Variants in TBC1D14 observed in about 807,000 individuals in gnomAD.
The protein encoded by TBC1D14 is TBC1 domain family, member 14.
TBC1D14 carries 26 observed loss-of-function variants against 79.0 expected under a neutral mutation model. The observed-to-expected ratio is 0.33, with a 90% CI of 0.24 to 0.46. TBC1D14 has a LOEUF of 0.46. Ranked by LOEUF, TBC1D14 falls within the 20% of genes least tolerant of loss-of-function variation. The pLI is 1.00. For missense variants in TBC1D14, 769 were observed against 887.6 expected, an observed-to-expected ratio of 0.87 and a Z score of 1.70; for synonymous variants, 394 against 349.9, an observed-to-expected ratio of 1.13 and a Z score of -1.40.
intron 2 of TBC1D14, among the ~76,000 whole-genome samples, chr4:6,960,229 A>G (rs1560284063): frequency 6.6e-6 from 1 of 151,024 alleles, no homozygotes; most frequent in Non-Finnish European, 1.5e-5. Flanking sequence ...CTACAGATGC[A>G]CATCACCATG....
intron 2 of TBC1D14, among the ~76,000 whole-genome samples, chr4:6,948,845 G>T (rs564851598): frequency 6.6e-6 from 1 of 151,500 alleles, no homozygotes; most frequent in Non-Finnish European, 1.5e-5. Flanking sequence ...GATTACAGGC[G>T]TGAGCCACCA....
intron 2 of TBC1D14, among the ~76,000 whole-genome samples, chr4:6,956,309 C>A (rs1306718052): frequency 6.6e-6 from 1 of 152,110 alleles, no homozygotes; most frequent in African/African-American, 2.4e-5. Flanking sequence ...GACAGACCAC[C>A]CCTGGCCAGA....
At chr4:7,005,643 G>C (rs903294911) in intron 8 of TBC1D14, among the ~76,000 whole-genome samples, 1 of 151,956 alleles carries the variant, frequency 6.6e-6, no homozygotes, top group Non-Finnish European at 1.5e-5. Flanking sequence ...AGGTTGCAGT[G>C]AGCCAAGATC....
chr4:6,993,792 C>T (rs1718740463), intron 3 of TBC1D14, among the ~76,000 whole-genome samples: 1 of 152,152 alleles, frequency 6.6e-6, no homozygotes, highest in African/African-American at 2.4e-5. Context: ...GGTGGATCAC[C>T]TGAGGTCAGG....
At position 6,940,502 on chromosome 4, in the gene TBC1D14, C is replaced by T. The variant is rs181677751; in HGVS notation, c.722+16391C>T. 2.2e-3 allele frequency among the ~76,000 whole-genome samples: 342 copies of T among 152,048 alleles called. 1 individual carries two copies. The highest frequency in any genetic ancestry group is 3.7e-3 in the Non-Finnish European group (253 of 67,974). On this transcript the variant is annotated intron_variant, in intron 2 of 13. Transcript: ENST00000409757. Reference sequence around the variant, plus strand: ...GGGGGTGCTGGTCAGATAGGTATAGCGGGGAGGGCCCTGCCTGGAGTCAGC... The same window carrying T: ...GGGGGTGCTGGTCAGATAGGTATAGTGGGGAGGGCCCTGCCTGGAGTCAGC...
chr4:6,985,367 A>G (rs1417964195), intron 3 of TBC1D14, among the ~76,000 whole-genome samples: 1 of 152,228 alleles, frequency 6.6e-6, no homozygotes, highest in Non-Finnish European at 1.5e-5. Flanking sequence ...TTTTCATATA[A>G]AACACTCCTT....
intron 11 of TBC1D14, among the ~76,000 whole-genome samples, chr4:7,012,088 C>T (rs1720838568): frequency 6.6e-6 from 1 of 151,694 alleles, no homozygotes; most frequent in Non-Finnish European, 1.5e-5. Flanking sequence ...ATCACGAGGT[C>T]AGGAGTAACA....
chr4:6,913,898 G>T (rs1723190296), intron 1 of TBC1D14, among the ~76,000 whole-genome samples: 1 of 152,138 alleles, frequency 6.6e-6, no homozygotes, highest in African/African-American at 2.4e-5. Flanking sequence ...GGAGGTTGAG[G>T]AGGGTGGATC....
rs372221471 is a variant in TBC1D14, at chr4:6,972,729, C to T, written c.843+5305C>T. Among the ~76,000 whole-genome samples, 14 of 152,252 alleles carry T rather than the reference C, an allele frequency of 9.2e-5. No individual in the cohort carries two copies. The East Asian group carries it at 2.5e-3, about 27-fold the overall frequency. On this transcript the variant is annotated intron_variant, in intron 3 of 13. Transcript: ENST00000409757. ...CCCAATCAGAAACAGAAACTAAGAACCCATGACTGTATTCTCTCTCTTGGA... is the reference window on the plus strand; with the variant it reads ...CCCAATCAGAAACAGAAACTAAGAATCCATGACTGTATTCTCTCTCTTGGA...
chr4:6,959,180 C>T (rs1018464026), intron 2 of TBC1D14, among the ~76,000 whole-genome samples: 12 of 152,176 alleles, frequency 7.9e-5, no homozygotes, highest in African/African-American at 2.4e-4. Context: ...CCACCGCGCC[C>T]GGCCGAGGAT....
At chr4:6,958,376 T>TATACACACACACACACACAC (rs538972596) in intron 2 of TBC1D14, among the ~76,000 whole-genome samples, 4,155 of 149,120 alleles carry the variant, frequency 0.028, 81 homozygotes, top group African/African-American at 0.048. Flanking sequence ...TCCCCACATA[T>TATACACACACACACACACAC]ACACACACAC....
chr4:7,021,747 T>C (rs1181674645), intron 12 of TBC1D14, among the ~76,000 whole-genome samples: 1 of 152,128 alleles, frequency 6.6e-6, no homozygotes, highest in African/African-American at 2.4e-5. Flanking sequence ...TAATATGCAG[T>C]GGTCGGAGGC....
intron 2 of TBC1D14, among the ~76,000 whole-genome samples, chr4:6,937,866 G>A (rs1011558275): frequency 1.3e-5 from 2 of 152,096 alleles, no homozygotes; most frequent in African/African-American, 4.8e-5. Flanking sequence ...CCGTGTGGGC[G>A]GGGAGGCTCC....
At chr4:6,911,183 G>T (rs575115117) in intron 1 of TBC1D14, among the ~76,000 whole-genome samples, 51 of 152,234 alleles carry the variant, frequency 3.4e-4, no homozygotes, top group Non-Finnish European at 5.9e-4. Context: ...CCCTCTTACT[G>T]CTTCTTTGCT....
chr4:6,947,263 C>T (rs1227544826), intron 2 of TBC1D14, among the ~76,000 whole-genome samples: 4 of 152,002 alleles, frequency 2.6e-5, no homozygotes, highest in Admixed American at 6.6e-5. Context: ...TTTGGGAGGC[C>T]GAGGCAGGCA....
intron 3 of TBC1D14, among the ~76,000 whole-genome samples, chr4:6,990,660 C>T (rs1405201636): frequency 6.6e-6 from 1 of 152,174 alleles, no homozygotes; most frequent in Non-Finnish European, 1.5e-5. Context: ...CGCACCAGTA[C>T]TTGCCTGGCA....
chr4:6,987,036 C>A (rs189916427), intron 3 of TBC1D14: 1 of 469,642 alleles, frequency 2.1e-6, no homozygotes, highest in Non-Finnish European at 3.1e-6. Flanking sequence ...CGCGCGTCCC[C>A]GGTGTTTACG....
intron 1 of TBC1D14, among the ~76,000 whole-genome samples, chr4:6,919,495 A>T (rs951554229): frequency 1.3e-5 from 2 of 151,960 alleles, no homozygotes; most frequent in Non-Finnish European, 1.5e-5. Flanking sequence ...TTTTTGCCTT[A>T]GTGTAGTACA....
At chr4:6,938,033 C>A (rs1333728300) in intron 2 of TBC1D14, among the ~76,000 whole-genome samples, 1 of 152,132 alleles carries the variant, frequency 6.6e-6, no homozygotes, top group African/African-American at 2.4e-5. Context: ...CATTCCACTC[C>A]TCCCGGGTGC....
Sources: gnomAD v4.1 joint callset for allele counts (sites outside exome capture counted in the v4.1 genomes callset) on GRCh38, gnomAD v4.1.1 for gene constraint, MANE v1.5 for transcripts, NCBI Gene and HGNC (gene_info 2026-07-23, HGNC 2026-07-21) for gene names.